Variants in STAG1 observed in about 807,000 individuals in gnomAD.
The protein encoded by STAG1 is STAG1 cohesin complex component, also known as cohesin subunit SA-1.
In STAG1, 26 loss-of-function variants were observed where a neutral mutation model predicts 170.9. The ratio of observed to expected loss-of-function variants is 0.15; its 90% confidence interval spans 0.11 to 0.21. STAG1 has a LOEUF of 0.21. Among genes scored for constraint, STAG1 ranks in the 10% least tolerant of loss-of-function variants. The probability of loss-of-function intolerance (pLI) is 1.00; values close to 1 mark genes in which losing one functional copy is unlikely to be tolerated. For synonymous variants in STAG1, 514 were observed against 497.7 expected, an observed-to-expected ratio of 1.03 and a Z score of -0.44; for missense variants, 964 against 1,509.5, an observed-to-expected ratio of 0.64 and a Z score of 5.99.
chr3:136,492,923 A>C (rs992720021), intron 9 of STAG1, among the ~76,000 whole-genome samples: 1 of 152,224 alleles, frequency 6.6e-6, no homozygotes, highest in Non-Finnish European at 1.5e-5. Flanking sequence ...ATATGACAAT[A>C]ATAGCACAAA....
rs189339216 is a variant in STAG1 at position 136,472,619 on chromosome 3, G to T, written c.1126-127C>A. On this transcript the variant is annotated intron_variant, in intron 11 of 33. Transcript: ENST00000383202. ...AGGTTAAATAAAAAGCTTTACTCTTGAAACTGCAGTATTGTAGTCCTACTC... is the reference window on the plus strand; with the variant it reads ...AGGTTAAATAAAAAGCTTTACTCTTTAAACTGCAGTATTGTAGTCCTACTC... 149 of 593,582 alleles carry T rather than the reference G, an allele frequency of 2.5e-4. No homozygotes were observed. The East Asian group carries it at 3.9e-3, about 16-fold the overall frequency. The allele number at this position is 593,582 out of a possible 1,614,324, so 36.8% of individuals were successfully genotyped here.
At chr3:136,654,888 T>C (rs1941326005) in intron 1 of STAG1, among the ~76,000 whole-genome samples, 1 of 152,162 alleles carries the variant, frequency 6.6e-6, no homozygotes, top group Non-Finnish European at 1.5e-5. Flanking sequence ...GCCAAGACTA[T>C]TAATGGAGAA....
At chr3:136,528,498 C>CG (rs916426524) in intron 6 of STAG1, among the ~76,000 whole-genome samples, 3 of 137,156 alleles carry the variant, frequency 2.2e-5, no homozygotes, top group East Asian at 2.0e-4. Context: ...CCCCGCACCC[C>CG]CCCCCCCAAA....
chr3:136,601,702 T>C (rs1487186349), intron 4 of STAG1, among the ~76,000 whole-genome samples: 1 of 152,042 alleles, frequency 6.6e-6, no homozygotes, highest in Non-Finnish European at 1.5e-5. Context: ...CTAGACGTGG[T>C]GGCAGGCACC....
chr3:136,604,206 A>AT, intron 4 of STAG1, 103 bp downstream of exon 4: 1 of 1,049,456 alleles, frequency 9.5e-7, no homozygotes, highest in Non-Finnish European at 1.3e-6. Context: ...GGTTGCTTAC[A>AT]TAATCAACAG....
At position 136,501,573 on chromosome 3, in the gene STAG1, C is replaced by T. The variant is rs141580097; in HGVS notation, c.828+1055G>A. On this transcript the variant is annotated intron_variant, in intron 8 of 33. Transcript: ENST00000383202. The stretch of plus-strand genomic sequence containing the variant: ...GAGAGAAGTCTGGAACACAACCTTC[C>T]GAGCGAGGATGGCCCTGCCAACACC... Among the ~76,000 whole-genome samples the T allele has an allele frequency of 1.4e-3, 218 of 152,260 alleles. 1 individual carries two copies. The highest frequency in any genetic ancestry group is 4.2e-3 in the African/African-American group (174 of 41,544).
chr3:136,695,856 T>C (rs1003310948), intron 1 of STAG1, among the ~76,000 whole-genome samples: 3 of 144,564 alleles, frequency 2.1e-5, no homozygotes, highest in Admixed American at 1.4e-4. Flanking sequence ...AAAGAGTACA[T>C]AGTTCTGGGG....
At chr3:136,354,205 CAAG>C (rs1244991829) in intron 28 of STAG1, among the ~76,000 whole-genome samples, 3 of 151,900 alleles carry the variant, frequency 2.0e-5, no homozygotes, top group Non-Finnish European at 4.4e-5. Flanking sequence ...CTAGGTATAA[CAAG>C]AATAGCCAAA....
At chr3:136,611,495 T>C (rs2107816665) in intron 3 of STAG1, among the ~76,000 whole-genome samples, 1 of 151,632 alleles carries the variant, frequency 6.6e-6, no homozygotes, top group South Asian at 2.1e-4. Context: ...TTTGACCTTT[T>C]TACTTTTTCT....
intron 1 of STAG1, among the ~76,000 whole-genome samples, chr3:136,703,473 C>T (rs1306711719): frequency 6.6e-6 from 1 of 152,170 alleles, no homozygotes; most frequent in African/African-American, 2.4e-5. Flanking sequence ...TGGAGGCTGA[C>T]CACTGTTTCA....
intron 19 of STAG1, among the ~76,000 whole-genome samples, chr3:136,421,634 T>C (rs796149663): frequency 1.3e-4 from 20 of 152,154 alleles, no homozygotes; most frequent in African/African-American, 4.8e-4. Context: ...CTTATATAGA[T>C]TGATGAGAGA....
intron 2 of STAG1, among the ~76,000 whole-genome samples, chr3:136,623,628 C>A (rs1010304399): frequency 5.4e-5 from 8 of 147,730 alleles, no homozygotes; most frequent in Non-Finnish European, 1.0e-4. Context: ...CCAGTCTTTT[C>A]AAAAAAAAAA....
At position 136,398,740 on chromosome 3, in the gene STAG1, C is replaced by G. The variant is rs1194554253; in HGVS notation, c.2277+9G>C. On this transcript the variant is annotated intron_variant, in intron 22 of 33. Transcript: ENST00000383202. ...AATAACCCTTCTGCCTACAGAAACT[C>G]TTACTTACTTTGGAAGGAGAGCCAT... 1 of 1,585,682 alleles carries G rather than the reference C, an allele frequency of 6.3e-7. No individual in the cohort carries two copies. The highest frequency in any genetic ancestry group is 2.3e-5 in the East Asian group (1 of 43,596).
At chr3:136,484,157 G>A (rs1042593714) in intron 9 of STAG1, among the ~76,000 whole-genome samples, 26 of 148,144 alleles carry the variant, frequency 1.8e-4, no homozygotes, top group African/African-American at 5.2e-4. Context: ...GAGGCGCTCT[G>A]CGTTTTAGAG....
intron 22 of STAG1, among the ~76,000 whole-genome samples, chr3:136,387,502 C>G (rs911844455): frequency 6.6e-6 from 1 of 152,144 alleles, no homozygotes; most frequent in African/African-American, 2.4e-5. Flanking sequence ...AATTCATTCA[C>G]TTGGAACAAG....
In STAG1 at chr3:136,439,389, G is replaced by GACACACACACAC. The variant is rs753912835; in HGVS notation, c.1546+3886_1546+3897dup. 2.0e-3 allele frequency among the ~76,000 whole-genome samples: 193 copies of GACACACACACAC among 95,860 alleles called. 3 individuals are homozygous for GACACACACACAC. In the Middle Eastern group the frequency reaches 0.025, roughly 12 times the overall value. The allele number at this position is 95,860 out of a possible 152,430, so 62.9% of individuals were successfully genotyped here. ...TTGATTTTGCTGTAAAACACCCCCCGACACACACACACACACACACACACA... is the reference window on the plus strand; with the variant it reads ...TTGATTTTGCTGTAAAACACCCCCCGACACACACACACACACACACACACACACACACACACA... On this transcript the variant is annotated intron_variant, in intron 15 of 33. Transcript: ENST00000383202.
intron 2 of STAG1, among the ~76,000 whole-genome samples, chr3:136,627,513 C>T (rs1294454505): frequency 6.6e-6 from 1 of 152,152 alleles, no homozygotes; most frequent in Admixed American, 6.5e-5. Flanking sequence ...CCATAATATG[C>T]ACTGAACTTA....
intron 1 of STAG1, among the ~76,000 whole-genome samples, chr3:136,708,702 G>A (rs1039244429): frequency 1.3e-5 from 2 of 152,050 alleles, no homozygotes; most frequent in African/African-American, 4.8e-5. Context: ...CAGTTTCTAG[G>A]CTTACTATGT....
chr3:136,465,921 G>A (rs1298929978), intron 12 of STAG1, among the ~76,000 whole-genome samples: 4 of 152,130 alleles, frequency 2.6e-5, no homozygotes, highest in Non-Finnish European at 4.4e-5. Context: ...GTGCATGCCT[G>A]CCATCCCAGC....
Sources: gnomAD v4.1 joint callset for allele counts (sites outside exome capture counted in the v4.1 genomes callset) on GRCh38, gnomAD v4.1.1 for gene constraint, MANE v1.5 for transcripts, NCBI Gene and HGNC (gene_info 2026-07-23, HGNC 2026-07-21) for gene names.